KMT2A: variants seen among roughly 807,000 people sequenced by gnomAD.
The protein encoded by KMT2A is lysine methyltransferase 2A.
In KMT2A, 16 loss-of-function variants were observed where a neutral mutation model predicts 345.3. The observed-to-expected ratio is 0.05, with a 90% CI of 0.03 to 0.07. The LOEUF (loss-of-function observed/expected upper bound fraction) is 0.07. Ranked by LOEUF, KMT2A falls within the 10% of genes least tolerant of loss-of-function variation. The pLI is 1.00. For missense variants in KMT2A, 3,272 were observed against 4,841.6 expected (o/e 0.68, Z 9.62); for synonymous variants, 1,599 against 1,778.6 (o/e 0.90, Z 2.54).
At position 118,526,523 on chromosome 11, in the gene KMT2A, T is replaced by C. The variant is rs1555055685; in HGVS notation, c.*4351T>C. ...AATAAGACATTTTTTGACAACTTTA[T>C]CATGTATAACAGATCTGTTTTTTTT... On this transcript the variant is annotated 3_prime_UTR_variant, in exon 36 of 36. Transcript: ENST00000534358. 8.7e-6 allele frequency: 2 copies of C among 230,296 alleles called. No homozygotes were observed. The highest frequency in any genetic ancestry group is 3.6e-4 in the South Asian group (2 of 5,500). 14.3% of individuals were successfully genotyped at this position (230,296 alleles called of 1,614,324 possible).
At position 118,509,190 on chromosome 11, in the gene KMT2A, A is replaced by T; in HGVS notation, c.10890A>T (p.Gln3630His). Residue 3630 changes from glutamine (Q) to histidine (H), a missense_variant, in exon 29 of 36, where the codon CAA becomes CAT. By Grantham distance (24) the Gln-to-His change is conservative. This residue lies in a region of KMT2A where 748 missense variants were observed against 922.2 expected (regional missense o/e 0.81). Transcript: ENST00000534358. ...TGACCCAAAATCCAGCAAATGAACA[A>T]GAAAGTGCAGGTATGTGGGTGGGTA... ...VQVTQNPANE[Q>H]ESAEPKTVEE... 1 of 1,613,756 alleles carries T rather than the reference A, an allele frequency of 6.2e-7. No individual in the cohort carries two copies. The highest frequency in any genetic ancestry group is 8.5e-7 in the Non-Finnish European group (1 of 1,179,678).
chr11:118,479,924 CAAG>C (rs1334763752), intron 5 of KMT2A, among the ~76,000 whole-genome samples: 1 of 152,108 alleles, frequency 6.6e-6, no homozygotes, highest in Non-Finnish European at 1.5e-5. Context: ...TGTTGGATTA[CAAG>C]AAATTTGAGT....
rs1180314098 is a variant in KMT2A, at chr11:118,510,914, A to G, written c.11071+796A>G. ...AAGAAGAATGCAGGGCTCTCTAGGA[A>G]GAAGAAGGGAGGTAAGCAAAGTTAG... On this transcript the variant is annotated intron_variant, in intron 30 of 35. Transcript: ENST00000534358. The surrounding 1 kb of genome is among the most constrained non-coding windows in gnomAD (Gnocchi z 4.1). Among the ~76,000 whole-genome samples, 4 of 152,190 alleles carry G rather than the reference A, an allele frequency of 2.6e-5. No homozygotes were observed. Among genetic ancestry groups the G allele is most frequent in the African/African-American group, 9.6e-5 (4 of 41,458 alleles).
intron 31 of KMT2A, among the ~76,000 whole-genome samples, chr11:118,515,842 C>G (rs1305259702): frequency 6.6e-6 from 1 of 152,062 alleles, no homozygotes; most frequent in East Asian, 1.9e-4. Context: ...GTACACGCCA[C>G]CACACCCAGC....
At chr11:118,459,016 T>G (rs1196639844) in intron 1 of KMT2A, among the ~76,000 whole-genome samples, 1 of 152,232 alleles carries the variant, frequency 6.6e-6, no homozygotes, top group African/African-American at 2.4e-5. Flanking sequence ...GATGTTATTT[T>G]CAATTGATTC....
Position 118,504,106 on chromosome 11 carries a change from G to A in KMT2A, c.8214G>A (p.Arg2738=), listed in dbSNP as rs138868861. The A allele has an allele frequency of 3.7e-5, 59 of 1,614,172 alleles. No individual in the cohort carries two copies. In the African/African-American group the frequency reaches 7.2e-4, roughly 20 times the overall value. Reference sequence around the variant, plus strand: ...ATACTAGTGTCACAGCCACAACAAGGAAAAGCAGCCAGATTCCAAAAAGAA... The same window carrying A: ...ATACTAGTGTCACAGCCACAACAAGAAAAAGCAGCCAGATTCCAAAAAGAA... ...ESDTSVTATT[R]KSSQIPKRNG... is the part of the protein sequence containing the mutation. The change falls in exon 27 of 36, where the codon AGG becomes AGA. Residue 2738 remains arginine (R), a synonymous_variant. Coordinates refer to ENST00000534358, the MANE Select transcript of KMT2A (RefSeq NM_001197104.2). The surrounding 1 kb of genome is among the most constrained non-coding windows in gnomAD (Gnocchi z 6.4).
chr11:118,501,594 AG>A (rs1950501705), intron 25 of KMT2A, 77 bp from the exon 26 acceptor site: 3 of 1,243,466 alleles, frequency 2.4e-6, no homozygotes, highest in Non-Finnish European at 3.4e-6. Context: ...TTTACCTGAT[AG>A]CTGACTTTTT....
At chr11:118,466,344 G>T (rs990328368) in intron 1 of KMT2A, among the ~76,000 whole-genome samples, 15 of 152,060 alleles carry the variant, frequency 9.9e-5, no homozygotes, top group Non-Finnish European at 2.2e-4. Context: ...AAAATTTTCT[G>T]TAAAGACTCA....
In KMT2A at chr11:118,490,578, A is replaced by G. The variant is rs1450688858; in HGVS notation, c.4696+329A>G. Among the ~76,000 whole-genome samples, 2 of 152,116 alleles carry G rather than the reference A, an allele frequency of 1.3e-5. No homozygotes were observed. The highest frequency in any genetic ancestry group is 2.9e-5 in the Non-Finnish European group (2 of 68,042). On this transcript the variant is annotated intron_variant, in intron 13 of 35. Transcript: ENST00000534358. The surrounding 1 kb of genome is among the most constrained non-coding windows in gnomAD (Gnocchi z 4.2). ...CCAAACATTTTCTTTCAGTAGTTAT[A>G]TTAGAAAAAAATATTAATATAACTA...
Position 118,496,717 on chromosome 11 carries a change from C to T in KMT2A, c.5664+350C>T. ...GTTGCATATTAAAAAGCTTGTGTTT[C>T]ATATAGGATAGCAGAATCGTTAAGA... On this transcript the variant is annotated intron_variant, in intron 20 of 35. Coordinates refer to ENST00000534358, the MANE Select transcript of KMT2A (RefSeq NM_001197104.2). This position sits in a 1 kb window ranked among gnomAD's most constrained non-coding sequence, Gnocchi z 4.7. 6.6e-6 allele frequency among the ~76,000 whole-genome samples: 1 copy of T among 152,124 alleles called. No individual in the cohort carries two copies. Among genetic ancestry groups the T allele is most frequent in the Non-Finnish European group, 1.5e-5 (1 of 68,026 alleles).
chr11:118,449,933 T>C (rs543638379), intron 1 of KMT2A: 2 of 151,954 alleles, frequency 1.3e-5, no homozygotes, highest in East Asian at 3.9e-4. Context: ...AGTTAACCAC[T>C]TAAACTTGTC....
chr11:118,436,974 G>T lies in KMT2A; in HGVS notation c.432+30G>T. 7.1e-7 allele frequency: 1 copy of T among 1,413,026 alleles called. No homozygotes were observed. The highest frequency in any genetic ancestry group is 9.3e-7 in the Non-Finnish European group (1 of 1,073,476). The allele number at this position is 1,413,026 out of a possible 1,614,324, so 87.5% of individuals were successfully genotyped here. On this transcript the variant is annotated intron_variant, in intron 1 of 35. Transcript: ENST00000534358. The surrounding 1 kb of genome is among the most constrained non-coding windows in gnomAD (Gnocchi z 6.9). ...GGGGGCGAGGAACCCCCAGGTCCGG[G>T]GTCTCGACCCTCTGCGGAGCCCCCT...
Position 118,505,592 on chromosome 11 carries a change from A to G in KMT2A, c.9700A>G (p.Asn3234Asp), listed in dbSNP as rs781889756. 1.9e-6 allele frequency: 3 copies of G among 1,614,124 alleles called. No individual in the cohort carries two copies. The East Asian group carries it at 6.7e-5, about 36-fold the overall frequency. ...RPISRLQTRK[N>D]KKLAPSSTPS... is the part of the protein sequence containing the mutation. ...CATATCTCGTCTACAGACCCGAAAGAATAAAAAACTTGCTCCCTCTAGTAC... is the reference window on the plus strand; with the variant it reads ...CATATCTCGTCTACAGACCCGAAAGGATAAAAAACTTGCTCCCTCTAGTAC... The change falls in exon 27 of 36, where the codon AAT becomes GAT. Residue 3234 changes from asparagine to aspartate, a missense_variant. Asn to Asp is a conservative substitution (Grantham distance 23). This residue lies in a region of KMT2A where 748 missense variants were observed against 922.2 expected (regional missense o/e 0.81). Coordinates refer to ENST00000534358, the MANE Select transcript of KMT2A (RefSeq NM_001197104.2). The surrounding 1 kb of genome is among the most constrained non-coding windows in gnomAD (Gnocchi z 4.6).
intron 1 of KMT2A, among the ~76,000 whole-genome samples, chr11:118,456,900 A>T (rs944274329): frequency 6.6e-5 from 10 of 152,176 alleles, no homozygotes; most frequent in Non-Finnish European, 1.5e-4. Flanking sequence ...AGTCTTGGTA[A>T]ATACCACCAT....
In KMT2A at chr11:118,504,770, G is replaced by A. The variant is rs1555047392; in HGVS notation, c.8878G>A (p.Glu2960Lys). Residue 2960 changes from glutamate (E) to lysine (K), a missense_variant, in exon 27 of 36, where the codon GAG becomes AAG. By Grantham distance (56) the Glu-to-Lys change is moderately conservative (BLOSUM62 1). Around this residue, in one of 27 missense-constraint regions of KMT2A, gnomAD observed 748 missense variants for 922.2 expected, o/e 0.81. Coordinates refer to ENST00000534358, the MANE Select transcript of KMT2A (RefSeq NM_001197104.2). This position sits in a 1 kb window ranked among gnomAD's most constrained non-coding sequence, Gnocchi z 6.4. ...ACTAGCTGTTATCTCAGACTCAGGG[G>A]AGAAGAGAGTAACCATCACAGAAAA... ...SRLAVISDSG[E>K]KRVTITEKSV... 6.2e-7 allele frequency: 1 copy of A among 1,613,938 alleles called. No homozygotes were observed. The highest frequency in any genetic ancestry group is 8.5e-7 in the Non-Finnish European group (1 of 1,180,014).
chr11:118,439,588 A>C (rs1173707891), intron 1 of KMT2A, among the ~76,000 whole-genome samples: 2 of 152,370 alleles, frequency 1.3e-5, no homozygotes, highest in Admixed American at 6.5e-5. Context: ...ATCTACTGGC[A>C]TTATGAGATA....
intron 1 of KMT2A, among the ~76,000 whole-genome samples, chr11:118,452,703 G>A (rs1053389794): frequency 3.4e-5 from 5 of 147,876 alleles, no homozygotes; most frequent in African/African-American, 7.5e-5. Context: ...GCGCCATCTC[G>A]GCTCACAGCA....
rs993861517 is a variant in KMT2A at position 118,490,646 on chromosome 11, A to G, written c.4696+397A>G. On this transcript the variant is annotated intron_variant, in intron 13 of 35. Transcript: ENST00000534358. The surrounding 1 kb of genome is among the most constrained non-coding windows in gnomAD (Gnocchi z 4.2). ...TATTACTGACTTAGGATAATCATAT[A>G]AAGTTCACTGTTTTAAGTAAGATAA... 3.3e-5 allele frequency among the ~76,000 whole-genome samples: 5 copies of G among 152,138 alleles called. No individual in the cohort carries two copies. The South Asian group carries it at 8.3e-4, about 25-fold the overall frequency.
chr11:118,466,747 T>G (rs1442961637), intron 1 of KMT2A, among the ~76,000 whole-genome samples: 1 of 151,926 alleles, frequency 6.6e-6, no homozygotes, highest in Non-Finnish European at 1.5e-5. Context: ...CCTGGGAGGC[T>G]GAGGTGGCGC....
Sources: gnomAD v4.1 joint callset for allele counts (sites outside exome capture counted in the v4.1 genomes callset) on GRCh38, gnomAD v4.1.1 for gene constraint, gnomAD v4.1.1 regional missense constraint, Gnocchi (gnomAD v3.1) non-coding constraint, MANE v1.5 for transcripts, NCBI Gene and HGNC (gene_info 2026-07-23, HGNC 2026-07-21) for gene names.